The following MACROD2 variants were observed in gnomAD, a reference collection of about 807,000 sequenced individuals.
MACROD2 encodes the protein ADP-ribose glycohydrolase MACROD2.
Under a neutral mutation model 70.4 loss-of-function variants are expected in MACROD2, and 36 were observed. That is an observed-to-expected ratio of 0.51 (90% confidence interval 0.39 to 0.68). The LOEUF (loss-of-function observed/expected upper bound fraction) is 0.68, where lower values mean the gene tolerates loss of function less well. MACROD2 is among the 30% of genes least tolerant of loss of function. The pLI is 0.00. For synonymous variants in MACROD2, 172 were observed against 178.8 expected (o/e 0.96, Z 0.30); for missense variants, 496 against 538.4 (o/e 0.92, Z 0.78).
chr20:14,896,470 A>G (rs1304094568), intron 5 of MACROD2, among the ~76,000 whole-genome samples: 2 of 152,128 alleles, frequency 1.3e-5, no homozygotes, highest in Non-Finnish European at 2.9e-5. Flanking sequence ...CAGCGTAGTT[A>G]CAGTTCTGAA....
chr20:14,077,966 G>T (rs959813563), intron 2 of MACROD2, among the ~76,000 whole-genome samples: 1 of 149,620 alleles, frequency 6.7e-6, no homozygotes, highest in Non-Finnish European at 1.5e-5. Flanking sequence ...GCAATGGTGC[G>T]ATCTCGGCTC....
At chr20:15,124,765 C>A (rs2076054926) in intron 5 of MACROD2, among the ~76,000 whole-genome samples, 1 of 151,824 alleles carries the variant, frequency 6.6e-6, no homozygotes, top group East Asian at 1.9e-4. Context: ...CATCTCATTT[C>A]TTTGCTTTTT....
At chr20:15,337,060 C>A (rs186264981) in intron 6 of MACROD2, among the ~76,000 whole-genome samples, 1 of 151,852 alleles carries the variant, frequency 6.6e-6, no homozygotes, top group Admixed American at 6.6e-5. Flanking sequence ...TGACCCTGAA[C>A]TTTATTCTCT....
chr20:15,461,166 C>A (rs2046814281), intron 7 of MACROD2, among the ~76,000 whole-genome samples: 1 of 151,108 alleles, frequency 6.6e-6, no homozygotes, highest in African/African-American at 2.4e-5. Flanking sequence ...TGCCACCATG[C>A]CTGGCTCTGT....
intron 3 of MACROD2, among the ~76,000 whole-genome samples, chr20:14,228,991 CAA>C (rs11480896): frequency 1.5e-5 from 2 of 134,984 alleles, no homozygotes; most frequent in Non-Finnish European, 1.6e-5. Context: ...GACTCTGTCT[CAA>C]AAAAAAAAAA....
chr20:15,490,634 C>T (rs12624598), intron 7 of MACROD2, among the ~76,000 whole-genome samples: 19,785 of 151,978 alleles, frequency 0.13, 2,001 homozygotes, highest in African/African-American at 0.25. Flanking sequence ...ATGGGGGCGA[C>T]GAAGTCCACC....
chr20:14,136,363 G>T (rs1192582293), intron 3 of MACROD2, among the ~76,000 whole-genome samples: 1 of 152,154 alleles, frequency 6.6e-6, no homozygotes, highest in African/African-American at 2.4e-5. Context: ...TAGCACTTTG[G>T]GAGGCCGAGA....
intron 10 of MACROD2, among the ~76,000 whole-genome samples, chr20:15,891,265 G>C (rs1170571158): frequency 1.3e-5 from 2 of 152,142 alleles, no homozygotes; most frequent in South Asian, 2.1e-4. Context: ...GCAGGAACCA[G>C]CCTAGCAGTG....
chr20:15,473,895 A>T (rs777533576), intron 7 of MACROD2, among the ~76,000 whole-genome samples: 12 of 152,198 alleles, frequency 7.9e-5, no homozygotes, highest in Non-Finnish European at 1.6e-4. Flanking sequence ...AAGAAGCAAA[A>T]TTAAGATCTT....
At chr20:15,070,071 C>T (rs1330109103) in intron 5 of MACROD2, among the ~76,000 whole-genome samples, 2 of 152,146 alleles carry the variant, frequency 1.3e-5, no homozygotes, top group Admixed American at 1.3e-4. Context: ...AGGGGCAGGG[C>T]TTCCCAAGGC....
At chr20:14,219,438 G>T (rs111833609) in intron 3 of MACROD2, among the ~76,000 whole-genome samples, 30 of 150,910 alleles carry the variant, frequency 2.0e-4, no homozygotes, top group African/African-American at 7.3e-4. Context: ...TTCACTTCTT[G>T]TATCATATTT....
Position 14,389,770 on chromosome 20 carries a change from T to C in MACROD2, c.272-103709T>C, listed in dbSNP as rs535866731. Among the ~76,000 whole-genome samples, 19 of 152,288 alleles carry C rather than the reference T, an allele frequency of 1.2e-4. No homozygotes were observed. In the South Asian group the frequency reaches 3.7e-3, roughly 30 times the overall value. Reference sequence around the variant, plus strand: ...GCATACTTCAAAATAATAAGAGCCATATATGACAAACCCACAGCCAGCATC... The same window carrying C: ...GCATACTTCAAAATAATAAGAGCCACATATGACAAACCCACAGCCAGCATC... On this transcript the variant is annotated intron_variant, in intron 3 of 17. Transcript: ENST00000684519.
intron 2 of MACROD2, among the ~76,000 whole-genome samples, chr20:14,046,977 A>G (rs1362837979): frequency 6.6e-6 from 1 of 152,176 alleles, no homozygotes. Context: ...TGAACTAGAC[A>G]TCATAATAAA....
intron 4 of MACROD2, among the ~76,000 whole-genome samples, chr20:14,678,177 G>A (rs1245773046): frequency 3.3e-5 from 5 of 152,130 alleles, no homozygotes; most frequent in African/African-American, 1.2e-4. Context: ...CTGAGCCCCT[G>A]CATTCAGCCT....
At chr20:15,591,392 C>T (rs1440638107) in intron 8 of MACROD2, among the ~76,000 whole-genome samples, 3 of 152,046 alleles carry the variant, frequency 2.0e-5, no homozygotes, top group African/African-American at 7.2e-5. Context: ...TCCCTCTGCT[C>T]AACTGGTAAC....
chr20:15,233,913 A>G (rs564456753), intron 6 of MACROD2, among the ~76,000 whole-genome samples: 86 of 142,054 alleles, frequency 6.1e-4, no homozygotes, highest in Middle Eastern at 7.5e-3. Flanking sequence ...TCCAAATATT[A>G]AAGTCAGTTA....
chr20:14,818,969 A>G (rs2072807028), intron 5 of MACROD2, among the ~76,000 whole-genome samples: 1 of 151,496 alleles, frequency 6.6e-6, no homozygotes, highest in South Asian at 2.1e-4. Flanking sequence ...TAACTTGTCT[A>G]AAATCACAAG....
intron 6 of MACROD2, among the ~76,000 whole-genome samples, chr20:15,313,630 G>A (rs567358853): frequency 1.3e-5 from 2 of 152,164 alleles, no homozygotes; most frequent in South Asian, 2.1e-4. Context: ...TTCTCTGGGG[G>A]TTTTCTTCTC....
rs80178391 is a variant in MACROD2, at chr20:15,925,616, A to G, written c.776-7660A>G. On this transcript the variant is annotated intron_variant, in intron 10 of 17. Transcript: ENST00000684519. ...CAATGTTGAAATGCCTCAAAATTCA[A>G]TCCTTCCACAGGTATTTGTTGAGCT... Among the ~76,000 whole-genome samples, 1,160 of 152,242 alleles carry G rather than the reference A, an allele frequency of 7.6e-3. 25 individuals carry two copies. The highest frequency in any genetic ancestry group is 0.027 in the African/African-American group (1,105 of 41,552).
Sources: gnomAD v4.1 joint callset for allele counts (sites outside exome capture counted in the v4.1 genomes callset) on GRCh38, gnomAD v4.1.1 for gene constraint, MANE v1.5 for transcripts, NCBI Gene and HGNC (gene_info 2026-07-23, HGNC 2026-07-21) for gene names.